The following CSMD1 variants were observed in gnomAD, a reference collection of about 807,000 sequenced individuals.
The protein encoded by CSMD1 is CUB and Sushi multiple domains 1.
In CSMD1, 213 loss-of-function variants were observed where a neutral mutation model predicts 417.5. The observed-to-expected ratio is 0.51, with a 90% CI of 0.46 to 0.57. CSMD1 has a LOEUF of 0.57. Among genes scored for constraint, CSMD1 ranks in the 20% least tolerant of loss-of-function variants. The pLI is 0.00. For missense variants in CSMD1, 6,923 were observed against 4,529.7 expected (o/e 1.53, Z -15.17); for synonymous variants, 2,862 against 1,736.8 (o/e 1.65, Z -16.11).
At chr8:4,140,583 G>T (rs1039720030) in intron 3 of CSMD1, among the ~76,000 whole-genome samples, 3 of 150,990 alleles carry the variant, frequency 2.0e-5, no homozygotes, top group African/African-American at 7.4e-5. Flanking sequence ...TGGGAAGACT[G>T]CTTGAACCCA....
intron 12 of CSMD1, among the ~76,000 whole-genome samples, chr8:3,448,417 A>AGGGAGGGAGGGGGGGAGGGGGGGGGG (rs1374620505): frequency 1.0e-5 from 1 of 96,990 alleles, no homozygotes; most frequent in Non-Finnish European, 2.2e-5. Context: ...GAAGGAAGGA[A>AGGGAGGGAGGGGGGGAGGGGGGGGGG]GGGAAGGAAG....
At chr8:4,423,400 G>A (rs532919874) in intron 2 of CSMD1, among the ~76,000 whole-genome samples, 14 of 151,876 alleles carry the variant, frequency 9.2e-5, no homozygotes, top group African/African-American at 3.1e-4. Flanking sequence ...ATCTATTGTA[G>A]TTCTACATAC....
chr8:3,162,869 T>C (rs553970344), intron 37 of CSMD1, among the ~76,000 whole-genome samples: 160 of 152,342 alleles, frequency 1.1e-3, no homozygotes, highest in African/African-American at 3.7e-3. Flanking sequence ...CTTTCCTAGA[T>C]GAATTGCATT....
Position 3,086,962 on chromosome 8 carries a change from T to G in CSMD1, c.7474+135A>C. 3 of 809,952 alleles carry G rather than the reference T, an allele frequency of 3.7e-6. No homozygotes were observed. The South Asian group carries it at 5.3e-5, about 14-fold the overall frequency. 50.2% of individuals were successfully genotyped at this position (809,952 alleles called of 1,614,324 possible). A position where few individuals can be genotyped will look rare whatever the true frequency, so the allele number is the denominator to read the frequency against. On this transcript the variant is annotated intron_variant, in intron 49 of 69. Transcript: ENST00000635120. ...TTGCATGGCCACTAGAAGGTTTAAT[T>G]CGTACTGTTATAAGCCAACATTCAA...
At chr8:4,080,888 C>G (rs890819710) in intron 3 of CSMD1, among the ~76,000 whole-genome samples, 1 of 152,144 alleles carries the variant, frequency 6.6e-6, no homozygotes, top group Admixed American at 6.5e-5. Context: ...TAGACTTAGA[C>G]CCAAGGTGAT....
chr8:4,615,802 C>A (rs916550679), intron 2 of CSMD1, among the ~76,000 whole-genome samples: 1 of 152,094 alleles, frequency 6.6e-6, no homozygotes, highest in East Asian at 1.9e-4. Flanking sequence ...ATGACTATTT[C>A]CATCTTATTC....
chr8:3,315,014 A>C (rs1187076251), intron 23 of CSMD1, among the ~76,000 whole-genome samples: 1 of 152,192 alleles, frequency 6.6e-6, no homozygotes, highest in Non-Finnish European at 1.5e-5. Context: ...TCATTTTTGA[A>C]TCTCTGATAT....
intron 26 of CSMD1, among the ~76,000 whole-genome samples, chr8:3,261,875 C>G (rs370420689): frequency 2.0e-5 from 3 of 152,030 alleles, no homozygotes; most frequent in Non-Finnish European, 4.4e-5. Context: ...ATGGGTACGG[C>G]TATCAAAGAG....
chr8:4,657,237 G>A (rs1009932673), intron 1 of CSMD1, among the ~76,000 whole-genome samples: 1 of 152,176 alleles, frequency 6.6e-6, no homozygotes, highest in Admixed American at 6.5e-5. Context: ...TTGAGCAGTA[G>A]TTTCAGTGCA....
chr8:3,320,586 C>G (rs1205956033), intron 23 of CSMD1, among the ~76,000 whole-genome samples: 1 of 152,144 alleles, frequency 6.6e-6, no homozygotes, highest in Non-Finnish European at 1.5e-5. Flanking sequence ...AATTCAACAC[C>G]TTGAGCAGTG....
At chr8:4,070,767 C>G (rs573001295) in intron 3 of CSMD1, among the ~76,000 whole-genome samples, 8 of 152,208 alleles carry the variant, frequency 5.3e-5, no homozygotes, top group Non-Finnish European at 1.0e-4. Context: ...GAGCCTGTCA[C>G]TGACACCCTC....
At chr8:3,760,971 T>G (rs34351066) in intron 5 of CSMD1, among the ~76,000 whole-genome samples, 49,474 of 151,822 alleles carry the variant, frequency 0.33, 8,387 homozygotes, top group Non-Finnish European at 0.37. Context: ...CTTTTTTTTT[T>G]GCATTTTCTG....
intron 3 of CSMD1, among the ~76,000 whole-genome samples, chr8:4,207,576 A>G (rs1268559269): frequency 6.6e-6 from 1 of 152,170 alleles, no homozygotes; most frequent in South Asian, 2.1e-4. Context: ...AATGAATGAA[A>G]CTGAAATATT....
intron 42 of CSMD1, among the ~76,000 whole-genome samples, chr8:3,113,531 C>T (rs899744024): frequency 6.6e-5 from 10 of 152,320 alleles, no homozygotes; most frequent in East Asian, 3.9e-4. Flanking sequence ...AAAGTGATGG[C>T]GGTGATGTCT....
At chr8:3,437,002 G>C (rs1333856894) in intron 12 of CSMD1, among the ~76,000 whole-genome samples, 1 of 152,154 alleles carries the variant, frequency 6.6e-6, no homozygotes, top group Non-Finnish European at 1.5e-5. Flanking sequence ...AAACAAGACA[G>C]CTTGAAAACC....
intron 5 of CSMD1, among the ~76,000 whole-genome samples, chr8:3,939,067 C>T (rs560543212): frequency 6.8e-4 from 104 of 152,102 alleles, no homozygotes; most frequent in African/African-American, 2.5e-3. Context: ...AACAGTCTGA[C>T]AGAATAAATA....
chr8:3,181,420 C>T (rs71521811), intron 36 of CSMD1, among the ~76,000 whole-genome samples: 6,890 of 152,282 alleles, frequency 0.045, 205 homozygotes, highest in East Asian at 0.15. Flanking sequence ...TCTGCTCTGA[C>T]CTGCTCAAGT....
Position 3,430,837 on chromosome 8 carries a change from T to G in CSMD1, c.1562-21232A>C, listed in dbSNP as rs886617296. 3.4e-4 allele frequency among the ~76,000 whole-genome samples: 51 copies of G among 152,076 alleles called. 1 individual carries two copies. The highest frequency in any genetic ancestry group is 1.2e-4 in the Non-Finnish European group (8 of 68,012). ...CAACAACAAAAAAATTCAAAGAAGCTCTTTGTAAATATATAAGATAGGTTC... is the reference window on the plus strand; with the variant it reads ...CAACAACAAAAAAATTCAAAGAAGCGCTTTGTAAATATATAAGATAGGTTC... On this transcript the variant is annotated intron_variant, in intron 12 of 69. Coordinates refer to ENST00000635120, the MANE Select transcript of CSMD1 (RefSeq NM_033225.6).
intron 18 of CSMD1, among the ~76,000 whole-genome samples, chr8:3,381,100 G>A (rs1025086318): frequency 1.3e-5 from 2 of 152,010 alleles, no homozygotes; most frequent in African/African-American, 2.4e-5. Context: ...ACCAGATCAA[G>A]AGCATACGTA....
Sources: gnomAD v4.1 joint callset for allele counts (sites outside exome capture counted in the v4.1 genomes callset) on GRCh38, gnomAD v4.1.1 for gene constraint, MANE v1.5 for transcripts, NCBI Gene and HGNC (gene_info 2026-07-23, HGNC 2026-07-21) for gene names.